CHIC1: variants seen among roughly 807,000 people sequenced by gnomAD.
CHIC1 encodes the protein cysteine-rich hydrophobic domain-containing protein 1.
A neutral mutation model predicts 18.5 loss-of-function variants in CHIC1; 7 were observed. The ratio of observed to expected loss-of-function variants is 0.38; its 90% CI spans 0.22 to 0.71. The LOEUF is 0.71. Among genes scored for constraint, CHIC1 ranks in the 30% least tolerant of loss-of-function variants. The probability of loss-of-function intolerance (pLI) is 0.49; values close to 1 mark genes in which losing one functional copy is unlikely to be tolerated. For synonymous variants in CHIC1, 77 were observed against 73.5 expected (o/e 1.05, Z -0.25); for missense variants, 159 against 176.9 (o/e 0.90, Z 0.57).
chrX:73,647,555 A>G lies in CHIC1; in HGVS notation c.508-31771A>G, dbSNP rs181777370. On this transcript the variant is annotated intron_variant, in intron 3 of 5. Coordinates refer to ENST00000373502, the MANE Select transcript of CHIC1 (RefSeq NM_001039840.4). ...AGGGAGGCTGGATGACTTGGTCCCA[A>G]GGGATGTCCCCCACAACCTAACACA... Among the ~76,000 whole-genome samples, 519 of 112,421 alleles carry G rather than the reference A, an allele frequency of 4.6e-3. 2 individuals are homozygous for G. The highest frequency in any genetic ancestry group is 6.7e-3 in the Non-Finnish European group (356 of 53,154).
chrX:73,586,919 G>T (rs771353318), intron 3 of CHIC1, among the ~76,000 whole-genome samples: 1 of 111,649 alleles, frequency 9.0e-6, no homozygotes, highest in Non-Finnish European at 1.9e-5. Flanking sequence ...TGAGCCAGAG[G>T]TCTCTGTTGC....
intron 3 of CHIC1, among the ~76,000 whole-genome samples, chrX:73,633,768 T>C (rs750316303): frequency 1.8e-5 from 2 of 111,303 alleles, no homozygotes; most frequent in Non-Finnish European, 3.8e-5. Context: ...TAATTTCAAA[T>C]GATCTGTCTT....
At chrX:73,564,802 T>G (rs1468355564) in intron 1 of CHIC1, among the ~76,000 whole-genome samples, 1 of 92,476 alleles carries the variant, frequency 1.1e-5, no homozygotes, top group Non-Finnish European at 2.1e-5. Context: ...TTTTTTTTTT[T>G]TTTTTTTTTT....
At chrX:73,668,230 A>C (rs761100918) in intron 3 of CHIC1, among the ~76,000 whole-genome samples, 1 of 111,920 alleles carries the variant, frequency 8.9e-6, no homozygotes, top group East Asian at 2.8e-4. Flanking sequence ...TTTCCTCTCT[A>C]AACTGGCTAT....
At chrX:73,658,158 C>G (rs1273361429) in intron 3 of CHIC1, among the ~76,000 whole-genome samples, 3 of 103,632 alleles carry the variant, frequency 2.9e-5, no homozygotes, top group Non-Finnish European at 3.9e-5. Flanking sequence ...GGAGTCTCTC[C>G]TTTTCAATTT....
At chrX:73,652,511 A>G (rs2057921935) in intron 3 of CHIC1, among the ~76,000 whole-genome samples, 2 of 112,265 alleles carry the variant, frequency 1.8e-5, no homozygotes, top group Non-Finnish European at 3.8e-5. Flanking sequence ...AATACCCAGA[A>G]TCTACTAGGA....
intron 3 of CHIC1, among the ~76,000 whole-genome samples, chrX:73,615,932 A>T (rs1422796741): frequency 9.0e-6 from 1 of 111,013 alleles, no homozygotes; most frequent in African/African-American, 3.3e-5. Flanking sequence ...AGAGGCAGCT[A>T]CGTGGTGGGT....
chrX:73,603,998 A>G (rs920465086), intron 3 of CHIC1, among the ~76,000 whole-genome samples: 1 of 107,356 alleles, frequency 9.3e-6, no homozygotes, highest in Non-Finnish European at 1.9e-5. Context: ...GGTTTTGGTA[A>G]CAGGATGATG....
intron 3 of CHIC1, among the ~76,000 whole-genome samples, chrX:73,614,921 A>T (rs767005815): frequency 1.8e-5 from 2 of 110,415 alleles, no homozygotes; most frequent in African/African-American, 3.3e-5. Flanking sequence ...TTCTTTGGAG[A>T]TGTCAAACTT....
chrX:73,631,660 A>G (rs2057807735), intron 3 of CHIC1, among the ~76,000 whole-genome samples: 1 of 111,388 alleles, frequency 9.0e-6, no homozygotes, highest in Admixed American at 9.5e-5. Flanking sequence ...TATCTTTTTT[A>G]ATGTAAGCAT....
chrX:73,602,402 A>T (rs746502468), intron 3 of CHIC1, among the ~76,000 whole-genome samples: 1 of 108,557 alleles, frequency 9.2e-6, no homozygotes, highest in South Asian at 3.8e-4. Context: ...TTTCTTGTAG[A>T]TTCTGGAGAT....
At chrX:73,604,246 A>G (rs1304720101) in intron 3 of CHIC1, among the ~76,000 whole-genome samples, 2 of 103,708 alleles carry the variant, frequency 1.9e-5, no homozygotes, top group East Asian at 5.8e-4. Context: ...CAGGGGGTGT[A>G]TGTGTCCAGG....
intron 3 of CHIC1, among the ~76,000 whole-genome samples, chrX:73,678,198 C>G (rs1447062460): frequency 8.9e-6 from 1 of 111,978 alleles, no homozygotes; most frequent in Admixed American, 9.4e-5. Flanking sequence ...TCAGTTTCAG[C>G]AGTGTCTTTG....
intron 2 of CHIC1, among the ~76,000 whole-genome samples, chrX:73,582,342 T>C (rs66586239): frequency 9.0e-6 from 1 of 110,615 alleles, no homozygotes; most frequent in Admixed American, 9.6e-5. Context: ...ATTTTTTCTT[T>C]ATTTTAACTT....
chrX:73,645,149 A>G (rs754185713), intron 3 of CHIC1, among the ~76,000 whole-genome samples: 4 of 112,530 alleles, frequency 3.6e-5, no homozygotes, highest in South Asian at 7.4e-4. Flanking sequence ...GATTCCACAT[A>G]TAAGTGAGAT....
chrX:73,607,273 T>G (rs1345694201), intron 3 of CHIC1, among the ~76,000 whole-genome samples: 2 of 108,330 alleles, frequency 1.8e-5, no homozygotes, highest in African/African-American at 7.2e-5. Context: ...GCAGGTTTGT[T>G]TACGCTGTGA....
chrX:73,643,888 C>A (rs2057872758), intron 3 of CHIC1, among the ~76,000 whole-genome samples: 1 of 112,359 alleles, frequency 8.9e-6, no homozygotes, highest in Non-Finnish European at 1.9e-5. Context: ...ATTCTCCGTC[C>A]ATCTTTGTTC....
At chrX:73,674,542 T>G (rs2058051131) in intron 3 of CHIC1, among the ~76,000 whole-genome samples, 2 of 112,064 alleles carry the variant, frequency 1.8e-5, no homozygotes, top group Non-Finnish European at 3.8e-5. Flanking sequence ...TAGTATTCTC[T>G]GATGGTAGTT....
At chrX:73,650,904 G>A (rs1022853723) in intron 3 of CHIC1, among the ~76,000 whole-genome samples, 5 of 111,135 alleles carry the variant, frequency 4.5e-5, no homozygotes, top group Non-Finnish European at 7.5e-5. Flanking sequence ...ACTTCAGGCC[G>A]ATATTCCTGA....
Sources: allele counts gnomAD v4.1 joint callset (sites outside exome capture counted in the v4.1 genomes callset), GRCh38; gene constraint gnomAD v4.1.1; transcripts MANE v1.5; gene names NCBI Gene and HGNC (gene_info 2026-07-23, HGNC 2026-07-21).